Variants in REEP1 observed in about 807,000 individuals in gnomAD.
REEP1 encodes receptor expression-enhancing protein 1.
In REEP1, 22 loss-of-function variants were observed where a neutral mutation model predicts 40.3. The ratio of observed to expected loss-of-function variants is 0.55; its 90% CI spans 0.39 to 0.78. The LOEUF is 0.78. REEP1 is among the 30% of genes least tolerant of loss of function. The pLI, the probability that REEP1 is intolerant of heterozygous loss-of-function variation, is 0.00. For missense variants in REEP1, 280 were observed against 361.1 expected, an observed-to-expected ratio of 0.78 and a Z score of 1.82; for synonymous variants, 116 against 139.2, an observed-to-expected ratio of 0.83 and a Z score of 1.17.
intron 1 of REEP1, among the ~76,000 whole-genome samples, chr2:86,293,868 T>C (rs1391027020): frequency 1.3e-5 from 2 of 152,232 alleles, no homozygotes; most frequent in Non-Finnish European, 2.9e-5. Context: ...ATGGCAGCAT[T>C]ACTCACAATA....
intron 5 of REEP1, among the ~76,000 whole-genome samples, chr2:86,241,397 G>A (rs554849178): frequency 6.6e-6 from 1 of 152,292 alleles, no homozygotes; most frequent in East Asian, 1.9e-4. Flanking sequence ...ACAGGTACTT[G>A]TGATCCTCAT....
chr2:86,253,229 C>T (rs1863055), intron 4 of REEP1, among the ~76,000 whole-genome samples: 55,011 of 152,000 alleles, frequency 0.36, 11,997 homozygotes, highest in East Asian at 0.59. Flanking sequence ...TGCAGTGAGC[C>T]GAGATCGTGC....
intron 6 of REEP1, among the ~76,000 whole-genome samples, chr2:86,232,194 G>A (rs554469558): frequency 4.3e-4 from 66 of 152,296 alleles, no homozygotes; most frequent in Non-Finnish European, 7.1e-4. Context: ...GCAGGGAAGA[G>A]GGCCCGTGAG....
chr2:86,234,312 G>A (rs1037200719), intron 5 of REEP1, among the ~76,000 whole-genome samples: 2 of 152,102 alleles, frequency 1.3e-5, no homozygotes, highest in African/African-American at 4.8e-5. Flanking sequence ...GAGTCCAGGA[G>A]TTCGAGACCA....
chr2:86,280,052 T>G (rs553966766), intron 2 of REEP1: 1 of 456,280 alleles, frequency 2.2e-6, no homozygotes, highest in Admixed American at 2.3e-5. Context: ...GCGACAGGGA[T>G]GAAGGGACAT....
intron 4 of REEP1, among the ~76,000 whole-genome samples, chr2:86,254,474 T>C (rs894815588): frequency 8.5e-5 from 13 of 152,206 alleles, no homozygotes; most frequent in African/African-American, 2.7e-4. Context: ...ATGGAAATGT[T>C]TTCCAGTAAA....
chr2:86,253,864 C>T (rs1182345078), intron 4 of REEP1, among the ~76,000 whole-genome samples: 1 of 152,198 alleles, frequency 6.6e-6, no homozygotes, highest in African/African-American at 2.4e-5. Context: ...TAAGAAACCC[C>T]ACTACACAAT....
intron 2 of REEP1, among the ~76,000 whole-genome samples, chr2:86,265,967 T>G (rs79495841): frequency 1.4e-3 from 207 of 152,280 alleles, no homozygotes; most frequent in Non-Finnish European, 2.3e-3. Flanking sequence ...ATGTATAAAA[T>G]ATCTGTGGTT....
intron 3 of REEP1, among the ~76,000 whole-genome samples, chr2:86,262,147 G>C (rs928915878): frequency 3.9e-5 from 6 of 152,192 alleles, no homozygotes; most frequent in African/African-American, 1.4e-4. Flanking sequence ...CCGAACGCTG[G>C]TTCCCTGGGT....
intron 3 of REEP1, among the ~76,000 whole-genome samples, chr2:86,262,334 A>T (rs148976698): frequency 5.0e-4 from 76 of 152,338 alleles, no homozygotes; most frequent in African/African-American, 1.8e-3. Flanking sequence ...TCGGGGAGAC[A>T]AGGGATGGCT....
chr2:86,259,045 T>C (rs912912967), intron 3 of REEP1, among the ~76,000 whole-genome samples: 7 of 152,170 alleles, frequency 4.6e-5, no homozygotes, highest in Non-Finnish European at 7.3e-5. Flanking sequence ...CGGTGGCTCA[T>C]GCCTGTAATC....
At chr2:86,297,964 G>T (rs1489863441) in intron 1 of REEP1, among the ~76,000 whole-genome samples, 1 of 152,176 alleles carries the variant, frequency 6.6e-6, no homozygotes, top group Non-Finnish European at 1.5e-5. Context: ...ATATAGGGTC[G>T]CATGCCCCAC....
At chr2:86,286,346 A>G (rs1179458432) in intron 1 of REEP1, among the ~76,000 whole-genome samples, 3 of 152,172 alleles carry the variant, frequency 2.0e-5, no homozygotes, top group Admixed American at 6.5e-5. Context: ...CAGTGAGTAG[A>G]GGCCAGGGAT....
chr2:86,264,314 A>G (rs1232647226), intron 2 of REEP1, among the ~76,000 whole-genome samples: 1 of 152,208 alleles, frequency 6.6e-6, no homozygotes, highest in Non-Finnish European at 1.5e-5. Context: ...AGAGTGACCC[A>G]GGATTCAATC....
At chr2:86,268,257 C>G (rs1467078694) in intron 2 of REEP1, among the ~76,000 whole-genome samples, 2 of 151,922 alleles carry the variant, frequency 1.3e-5, no homozygotes, top group Non-Finnish European at 2.9e-5. Flanking sequence ...AAGGAACTCA[C>G]CAAAAAAATC....
At chr2:86,303,319 T>C (rs1244257043) in intron 1 of REEP1, among the ~76,000 whole-genome samples, 1 of 146,776 alleles carries the variant, frequency 6.8e-6, no homozygotes, top group African/African-American at 2.5e-5. Context: ...CAGGTTCAAG[T>C]GATTCTCGTG....
intron 7 of REEP1, among the ~76,000 whole-genome samples, chr2:86,226,096 CCACCACCACCACCACCACCATCAT>C (rs1394234580): frequency 2.1e-5 from 3 of 144,760 alleles, no homozygotes; most frequent in African/African-American, 7.9e-5. Context: ...ACCACCACCA[CCACCACCACCACCACCACCATCAT>C]CACCACCACC....
intron 5 of REEP1, among the ~76,000 whole-genome samples, chr2:86,248,324 GGGA>G (rs1279773223): frequency 1.3e-5 from 2 of 152,198 alleles, no homozygotes; most frequent in Non-Finnish European, 2.9e-5. Context: ...GGTGTTTTGT[GGGA>G]GGAGAAGACA....
At chr2:86,251,492 G>A (rs1446408570) in intron 5 of REEP1, 3 of 204,010 alleles carry the variant, frequency 1.5e-5, no homozygotes, top group African/African-American at 2.3e-5. Flanking sequence ...ACATGATCGT[G>A]AGTGAGTCCA....
Sources: allele counts gnomAD v4.1 joint callset (sites outside exome capture counted in the v4.1 genomes callset), GRCh38; gene constraint gnomAD v4.1.1; transcripts MANE v1.5; gene names NCBI Gene and HGNC (gene_info 2026-07-23, HGNC 2026-07-21).